ENOX1: variants seen among roughly 807,000 people sequenced by gnomAD.
The protein encoded by ENOX1 is candidate growth-related and time keeping constitutive hydroquinone (NADH) oxidase.
Under a neutral mutation model 82.5 loss-of-function variants are expected in ENOX1, and 42 were observed. The ratio of observed to expected loss-of-function variants is 0.51; its 90% CI spans 0.40 to 0.66. The LOEUF (loss-of-function observed/expected upper bound fraction) is 0.66. Ranked by LOEUF, ENOX1 falls within the 30% of genes least tolerant of loss-of-function variation. The pLI, the probability that ENOX1 is intolerant of heterozygous loss-of-function variation, is 0.00. For synonymous variants in ENOX1, 271 were observed against 282.2 expected, an observed-to-expected ratio of 0.96 and a Z score of 0.40; for missense variants, 608 against 811.6, an observed-to-expected ratio of 0.75 and a Z score of 3.05.
intron 1 of ENOX1, among the ~76,000 whole-genome samples, chr13:43,747,678 C>G (rs1033280878): frequency 6.6e-6 from 1 of 152,214 alleles, no homozygotes; most frequent in African/African-American, 2.4e-5. Flanking sequence ...ATTCCAGATT[C>G]TTTGGTAATG....
intron 5 of ENOX1, among the ~76,000 whole-genome samples, chr13:43,391,520 G>A (rs2052772596): frequency 6.6e-6 from 1 of 152,130 alleles, no homozygotes; most frequent in African/African-American, 2.4e-5. Context: ...CAATCTGAGT[G>A]CATGATTTCT....
chr13:43,618,590 T>A (rs948688484), intron 2 of ENOX1, among the ~76,000 whole-genome samples: 1 of 152,202 alleles, frequency 6.6e-6, no homozygotes, highest in African/African-American at 2.4e-5. Flanking sequence ...TTCTGTTTCA[T>A]TGGTCTATGT....
chr13:43,217,259 A>G (rs775620592), intron 16 of ENOX1, among the ~76,000 whole-genome samples: 4 of 152,174 alleles, frequency 2.6e-5, no homozygotes, highest in Non-Finnish European at 5.9e-5. Context: ...GATGAATACT[A>G]TTAGAGTGAT....
intron 2 of ENOX1, among the ~76,000 whole-genome samples, chr13:43,496,842 G>A (rs919263375): frequency 6.6e-6 from 1 of 151,778 alleles, no homozygotes; most frequent in African/African-American, 2.4e-5. Flanking sequence ...CACTTTTATA[G>A]AAGTCTTGAA....
intron 1 of ENOX1, among the ~76,000 whole-genome samples, chr13:43,776,868 C>A (rs1951946732): frequency 6.6e-6 from 1 of 152,020 alleles, no homozygotes; most frequent in Non-Finnish European, 1.5e-5. Flanking sequence ...TGCGGTCTCC[C>A]ACCAGTGCCT....
At chr13:43,559,268 G>T (rs1482729501) in intron 2 of ENOX1, among the ~76,000 whole-genome samples, 1 of 152,108 alleles carries the variant, frequency 6.6e-6, no homozygotes, top group Non-Finnish European at 1.5e-5. Flanking sequence ...ACAAAAAATG[G>T]CTCCTCCAAA....
chr13:43,566,018 T>C (rs981365596), intron 2 of ENOX1, among the ~76,000 whole-genome samples: 1 of 152,190 alleles, frequency 6.6e-6, no homozygotes, highest in Non-Finnish European at 1.5e-5. Context: ...CCATGTGGGT[T>C]GCAGTAGCAA....
chr13:43,529,831 C>T (rs955316125), intron 2 of ENOX1, among the ~76,000 whole-genome samples: 4 of 151,740 alleles, frequency 2.6e-5, no homozygotes, highest in Admixed American at 6.6e-5. Flanking sequence ...AGCAGAAGTG[C>T]CAAGTTTACT....
intron 2 of ENOX1, among the ~76,000 whole-genome samples, chr13:43,564,467 T>C (rs2079829444): frequency 6.6e-6 from 1 of 151,974 alleles, no homozygotes; most frequent in Non-Finnish European, 1.5e-5. Flanking sequence ...CAATGAGGAA[T>C]AGACGGAATT....
chr13:43,754,402 G>A lies in ENOX1; in HGVS notation c.-285+32250C>T, dbSNP rs558695783. On this transcript the variant is annotated intron_variant, in intron 1 of 16. Transcript: ENST00000690772. ...GGCTGGAGTGTGGTGGTGTGATCTC[G>A]GCTCACTGCAACCCCCACCTCCTGG... Among the ~76,000 whole-genome samples the A allele has an allele frequency of 1.2e-4, 18 of 145,062 alleles. No homozygotes were observed. In the East Asian group the frequency reaches 2.6e-3, roughly 21 times the overall value.
chr13:43,708,809 T>C (rs1236971937), intron 1 of ENOX1, among the ~76,000 whole-genome samples: 1 of 152,150 alleles, frequency 6.6e-6, no homozygotes, highest in Non-Finnish European at 1.5e-5. Flanking sequence ...AAAAAACCTT[T>C]ATGACATTAG....
In ENOX1 at chr13:43,517,759, G is replaced by A. The variant is rs56711874; in HGVS notation, c.-218-33607C>T. ...CTCCAAGGTGATGTTATTCAGTGGT[G>A]CGGGCCTTTGGGAGGTGACTACATC... On this transcript the variant is annotated intron_variant, in intron 2 of 16. Coordinates refer to ENST00000690772, the MANE Select transcript of ENOX1 (RefSeq NM_001347969.2). Among the ~76,000 whole-genome samples the A allele has an allele frequency of 1.4e-3, 213 of 152,214 alleles. 2 individuals are homozygous for A. Among genetic ancestry groups the A allele is most frequent in the African/African-American group, 4.8e-3 (200 of 41,532 alleles).
chr13:43,419,572 AC>A (rs971209801), intron 3 of ENOX1, among the ~76,000 whole-genome samples: 1 of 151,844 alleles, frequency 6.6e-6, no homozygotes, highest in African/African-American at 2.4e-5. Flanking sequence ...ACAAAACAAA[AC>A]CAAAAAAAAG....
At chr13:43,473,509 T>C (rs1349535128) in intron 3 of ENOX1, among the ~76,000 whole-genome samples, 1 of 152,202 alleles carries the variant, frequency 6.6e-6, no homozygotes, top group African/African-American at 2.4e-5. Context: ...GCCTATAGTA[T>C]TTATTCAAGT....
At chr13:43,735,477 T>C (rs766713728) in intron 1 of ENOX1, among the ~76,000 whole-genome samples, 12 of 152,156 alleles carry the variant, frequency 7.9e-5, no homozygotes, top group Non-Finnish European at 1.3e-4. Context: ...CCCAGCACTT[T>C]GGGAGGCCGA....
At chr13:43,600,536 T>C (rs1310348402) in intron 2 of ENOX1, among the ~76,000 whole-genome samples, 1 of 152,100 alleles carries the variant, frequency 6.6e-6, no homozygotes, top group East Asian at 1.9e-4. Context: ...ATCAGGTAGA[T>C]TATTAAGGTT....
chr13:43,327,466 C>T (rs1009753140), intron 9 of ENOX1, among the ~76,000 whole-genome samples: 5 of 152,238 alleles, frequency 3.3e-5, no homozygotes, highest in African/African-American at 1.2e-4. Flanking sequence ...ATGGGTGGAG[C>T]CAACTAACTG....
At chr13:43,509,796 T>C (rs2077297581) in intron 2 of ENOX1, among the ~76,000 whole-genome samples, 1 of 151,976 alleles carries the variant, frequency 6.6e-6, no homozygotes, top group African/African-American at 2.4e-5. Flanking sequence ...AGTCCCCTTC[T>C]TGCAGAAGCC....
intron 2 of ENOX1, among the ~76,000 whole-genome samples, chr13:43,539,609 T>C (rs937186554): frequency 6.6e-6 from 1 of 152,220 alleles, no homozygotes; most frequent in Non-Finnish European, 1.5e-5. Flanking sequence ...CTCACAAGTT[T>C]TTTTATATGT....
Sources: allele counts gnomAD v4.1 joint callset (sites outside exome capture counted in the v4.1 genomes callset), GRCh38; gene constraint gnomAD v4.1.1; transcripts MANE v1.5; gene names NCBI Gene and HGNC (gene_info 2026-07-23, HGNC 2026-07-21).